Variants in NF1 observed in about 807,000 individuals in gnomAD.
NF1 encodes neurofibromin 1.
A neutral mutation model predicts 325.7 loss-of-function variants in NF1; 122 were observed. The observed-to-expected ratio is 0.37, with a 90% CI of 0.32 to 0.44. The LOEUF (loss-of-function observed/expected upper bound fraction) is 0.44. Ranked by LOEUF, NF1 falls within the 20% of genes least tolerant of loss-of-function variation. The probability of loss-of-function intolerance (pLI) is 1.00; values close to 1 mark genes in which losing one functional copy is unlikely to be tolerated. For synonymous variants in NF1, 1,091 were observed against 1,186.0 expected (o/e 0.92, Z 1.65); for missense variants, 2,140 against 3,415.4 (o/e 0.63, Z 9.31).
intron 1 of NF1, among the ~76,000 whole-genome samples, chr17:31,096,935 A>G (rs1353508269): frequency 1.0e-5 from 1 of 99,052 alleles, no homozygotes; most frequent in East Asian, 2.9e-4. Flanking sequence ...TTGGTAGAAA[A>G]GACTCTGTAA....
At position 31,327,747 on chromosome 17, in the gene NF1, C is replaced by A. The variant is rs865839207; in HGVS notation, c.5517C>A (p.Ile1839=). The A allele has an allele frequency of 1.2e-6, 2 of 1,614,104 alleles. No individual in the cohort carries two copies. Among genetic ancestry groups the A allele is most frequent in the Non-Finnish European group, 1.7e-6 (2 of 1,179,958 alleles). ...GGGAACTGTCACAGCCCGACTCTAT[C>A]CCCCAACACACCAAGATTCGGCCAA... ...TRWELSQPDS[I]PQHTKIRPKD... The change falls in exon 38 of 58, where the codon ATC becomes ATA. Residue 1839 remains isoleucine, a synonymous_variant. Coordinates refer to ENST00000358273, the MANE Select transcript of NF1 (RefSeq NM_001042492.3).
chr17:31,124,895 C>A (rs1458699437), intron 1 of NF1, among the ~76,000 whole-genome samples: 1 of 151,556 alleles, frequency 6.6e-6, no homozygotes, highest in African/African-American at 2.4e-5. Flanking sequence ...GCCACCGTGC[C>A]TGGCCTTGAA....
At chr17:31,216,294 G>A (rs997816575) in intron 13 of NF1, among the ~76,000 whole-genome samples, 1 of 152,094 alleles carries the variant, frequency 6.6e-6, no homozygotes, top group Non-Finnish European at 1.5e-5. Flanking sequence ...AGCAAAACTT[G>A]CCATTTTCCA....
At position 31,334,910 on chromosome 17, in the gene NF1, A is replaced by G. The variant is rs1555534402; in HGVS notation, c.5885A>G (p.His1962Arg). 6.2e-7 allele frequency: 1 copy of G among 1,613,986 alleles called. No individual in the cohort carries two copies. The highest frequency in any genetic ancestry group is 8.5e-7 in the Non-Finnish European group (1 of 1,179,988). Residue 1962 changes from histidine (H) to arginine (R), a missense_variant, in exon 40 of 58, where the codon CAT (histidine) becomes CGT (arginine). This residue lies in a region of NF1 where 180 missense variants were observed against 435.1 expected (regional missense o/e 0.41). Transcript: ENST00000358273. Reference protein sequence around the residue: ...WLSNLVRFCKHNDDAKRQRVT... With the variant: ...WLSNLVRFCKRNDDAKRQRVT... ...TCAAATCTAGTTCGTTTTTGCAAGC[A>G]TAATGATGATGCCAAACGACAAAGA...
chr17:31,327,771 A>G lies in NF1; in HGVS notation c.5541A>G (p.Pro1847=), dbSNP rs775779014. ...DSIPQHTKIR[P]KDVPGTLLNI... is the part of the protein sequence containing the mutation. ...TCCCCCAACACACCAAGATTCGGCC[A>G]AAAGATGTCCCTGGGACACTGCTCA... Residue 1847 remains proline, a synonymous_variant, in exon 38 of 58, where the codon CCA becomes CCG. Transcript: ENST00000358273. The G allele has an allele frequency of 6.2e-7, 1 of 1,614,132 alleles. No homozygotes were observed. The highest frequency in any genetic ancestry group is 2.2e-5 in the East Asian group (1 of 44,888).
chr17:31,159,421 G>T (rs2143648941), intron 3 of NF1, among the ~76,000 whole-genome samples: 1 of 152,258 alleles, frequency 6.6e-6, no homozygotes, highest in Non-Finnish European at 1.5e-5. Flanking sequence ...TTGTGGGAGA[G>T]TGCGATTCAG....
chr17:31,238,429 GAGAAAAGGCTA>G (rs747147799), intron 29 of NF1, among the ~76,000 whole-genome samples: 6 of 152,068 alleles, frequency 3.9e-5, no homozygotes, highest in Non-Finnish European at 7.4e-5. Flanking sequence ...TGTAAGAAGA[GAGAAAAGGCTA>G]AGAAACTCTT....
At position 31,374,299 on chromosome 17, in the gene NF1, A is replaced by G. The variant is rs1392722549; in HGVS notation, c.*144A>G. 1 of 1,066,044 alleles carries G rather than the reference A, an allele frequency of 9.4e-7. No homozygotes were observed. The highest frequency in any genetic ancestry group is 1.4e-6 in the Non-Finnish European group (1 of 703,024). 66.0% of individuals were successfully genotyped at this position (1,066,044 alleles called of 1,614,324 possible). A position where few individuals can be genotyped will look rare whatever the true frequency, so the allele number is the denominator to read the frequency against. On this transcript the variant is annotated 3_prime_UTR_variant, in exon 58 of 58. Coordinates refer to ENST00000358273, the MANE Select transcript of NF1 (RefSeq NM_001042492.3). ...CCCATCCGGTTTGCCATGTTGCCAGATGATCAACTCTTCGAAGCCTTGCCT... is the reference window on the plus strand; with the variant it reads ...CCCATCCGGTTTGCCATGTTGCCAGGTGATCAACTCTTCGAAGCCTTGCCT...
intron 40 of NF1, among the ~76,000 whole-genome samples, chr17:31,335,296 A>ATATATATATATATATAT (rs1440930498): frequency 4.0e-5 from 2 of 50,062 alleles, no homozygotes; most frequent in Non-Finnish European, 6.4e-5. Context: ...ATATATATAT[A>ATATATATATATATATAT]ATTATGCCTT....
At chr17:31,259,268 C>A (rs1299851498) in intron 33 of NF1, 139 bp downstream of exon 33, 2 of 579,590 alleles carry the variant, frequency 3.5e-6, no homozygotes, top group Admixed American at 5.8e-5. Context: ...CATAGCTTGT[C>A]TTATTTTATT....
intron 36 of NF1, chr17:31,319,015 C>G (rs767304756): frequency 3.0e-5 from 47 of 1,589,210 alleles, no homozygotes; most frequent in Non-Finnish European, 3.8e-5. Flanking sequence ...CGTGGGCATG[C>G]TTGGCAATCT....
chr17:31,352,963 C>T (rs1250125018), intron 51 of NF1, among the ~76,000 whole-genome samples: 1 of 152,062 alleles, frequency 6.6e-6, no homozygotes, highest in Non-Finnish European at 1.5e-5. Flanking sequence ...GGCTGGAGTG[C>T]AGTGGCGCAA....
At chr17:31,317,714 A>G (rs147312633) in intron 36 of NF1, 7 of 152,352 alleles carry the variant, frequency 4.6e-5, no homozygotes, top group African/African-American at 1.7e-4. Flanking sequence ...AAAGGTTTTA[A>G]TTTAATATTA....
At chr17:31,293,012 T>C (rs2068373745) in intron 36 of NF1, among the ~76,000 whole-genome samples, 2 of 151,650 alleles carry the variant, frequency 1.3e-5, no homozygotes, top group Non-Finnish European at 2.9e-5. Context: ...GCCCCGTCTC[T>C]ACTGAAAATA....
intron 36 of NF1, among the ~76,000 whole-genome samples, chr17:31,271,374 A>G (rs12950506): frequency 0.54 from 81,474 of 151,734 alleles, 25,293 homozygotes; most frequent in Middle Eastern, 0.75. Context: ...TAACACATTC[A>G]TGAAATATGT....
chr17:31,152,361 A>T (rs978280853), intron 1 of NF1, among the ~76,000 whole-genome samples: 7 of 150,862 alleles, frequency 4.6e-5, no homozygotes, highest in Non-Finnish European at 1.0e-4. Flanking sequence ...ATTTCAGCAA[A>T]GTTTTCTTGA....
intron 13 of NF1, among the ~76,000 whole-genome samples, chr17:31,218,792 A>C (rs1407462823): frequency 1.3e-5 from 2 of 151,872 alleles, no homozygotes; most frequent in African/African-American, 4.8e-5. Context: ...GGCTGGTCTC[A>C]AACTCCTGAC....
At chr17:31,155,066 A>G (rs1211793894) in intron 1 of NF1, among the ~76,000 whole-genome samples, 1 of 152,170 alleles carries the variant, frequency 6.6e-6, no homozygotes, top group Non-Finnish European at 1.5e-5. Flanking sequence ...ATCGTCCATT[A>G]TTAACTGATT....
rs2070414223 is a variant in NF1 at position 31,362,080 on chromosome 17, C to T, written c.8377+1377C>T. Among the ~76,000 whole-genome samples, 3 of 152,208 alleles carry T rather than the reference C, an allele frequency of 2.0e-5. No individual in the cohort carries two copies. The South Asian group carries it at 6.2e-4, about 32-fold the overall frequency. ...ATCATTTGGGAGCTTGTTAGAAATG[C>T]AGATGCTGTAGTTTCACCTCAGATC... On this transcript the variant is annotated intron_variant, in intron 57 of 57. Transcript: ENST00000358273.
Sources: allele counts gnomAD v4.1 joint callset (sites outside exome capture counted in the v4.1 genomes callset), GRCh38; gene constraint gnomAD v4.1.1; regional missense constraint gnomAD v4.1.1; transcripts MANE v1.5; gene names NCBI Gene and HGNC (gene_info 2026-07-23, HGNC 2026-07-21).